Variants in STAT4 observed in about 807,000 individuals in gnomAD.
The protein encoded by STAT4 is signal transducer and activator of transcription 4.
A neutral mutation model predicts 110.5 loss-of-function variants in STAT4; 42 were observed. The observed-to-expected ratio is 0.38, with a 90% CI of 0.30 to 0.49. The LOEUF is 0.49. Among genes scored for constraint, STAT4 ranks in the 20% least tolerant of loss-of-function variants. STAT4 has a pLI of 0.95. For missense variants in STAT4, 632 were observed against 887.9 expected (o/e 0.71, Z 3.66); for synonymous variants, 284 against 302.2 (o/e 0.94, Z 0.63).
chr2:191,057,661 C>T (rs189194015), intron 13 of STAT4, among the ~76,000 whole-genome samples: 20 of 147,784 alleles, frequency 1.4e-4, no homozygotes, highest in African/African-American at 2.0e-4. Context: ...TGCACTGGCA[C>T]GATCTCAGCT....
intron 3 of STAT4, chr2:191,131,963 A>G (rs1699048988): frequency 3.9e-6 from 5 of 1,277,100 alleles, no homozygotes; most frequent in Non-Finnish European, 4.0e-6. Context: ...ATCTAGATTT[A>G]CAACTATTCC....
chr2:191,145,121 T>C (rs1457219956), intron 3 of STAT4, among the ~76,000 whole-genome samples: 1 of 152,188 alleles, frequency 6.6e-6, no homozygotes, highest in Non-Finnish European at 1.5e-5. Context: ...GACACATATA[T>C]ACACACATAT....
At chr2:191,125,355 C>T (rs1466373638) in intron 3 of STAT4, among the ~76,000 whole-genome samples, 1 of 151,998 alleles carries the variant, frequency 6.6e-6, no homozygotes, top group Non-Finnish European at 1.5e-5. Flanking sequence ...TCATTGTGCA[C>T]TTAAAAGCCC....
chr2:191,139,423 C>T (rs563086381), intron 3 of STAT4, among the ~76,000 whole-genome samples: 5 of 152,142 alleles, frequency 3.3e-5, no homozygotes, highest in Admixed American at 6.6e-5. Context: ...AATCAATGTA[C>T]GCAAATCAGT....
At chr2:191,071,398 A>G (rs1390531367) in intron 5 of STAT4, among the ~76,000 whole-genome samples, 1 of 152,224 alleles carries the variant, frequency 6.6e-6, no homozygotes, top group Non-Finnish European at 1.5e-5. Flanking sequence ...ACCTACATGC[A>G]TGAGAAAATG....
In STAT4 at chr2:191,150,686, C is replaced by T. The variant is rs1482238342; in HGVS notation, c.-2+261G>A. ...CGCGAGGACACACCTCCGCAGCCGC[C>T]GCAGCTCCCCTGGCCCCCGCAGGGA... On this transcript the variant is annotated intron_variant, in intron 1 of 23. Coordinates refer to ENST00000392320, the MANE Select transcript of STAT4 (RefSeq NM_003151.4). This position sits in a 1 kb window ranked among gnomAD's most constrained non-coding sequence, Gnocchi z 6.4. Among the ~76,000 whole-genome samples, 1 of 152,188 alleles carries T rather than the reference C, an allele frequency of 6.6e-6. No individual in the cohort carries two copies. Among genetic ancestry groups the T allele is most frequent in the Non-Finnish European group, 1.5e-5 (1 of 68,042 alleles).
At position 191,146,945 on chromosome 2, in the gene STAT4, C is replaced by G. The variant is rs1699477651; in HGVS notation, c.129-188G>C. On this transcript the variant is annotated intron_variant, in intron 2 of 23. Transcript: ENST00000392320. The surrounding 1 kb of genome is among the most constrained non-coding windows in gnomAD (Gnocchi z 4.5). ...TCATTAGGGAATTTCAAGTGAAAAT[C>G]AGAGTAAGATACCACTTCATACCCA... Among the ~76,000 whole-genome samples, 1 of 152,034 alleles carries G rather than the reference C, an allele frequency of 6.6e-6. No homozygotes were observed. Among genetic ancestry groups the G allele is most frequent in the South Asian group, 2.1e-4 (1 of 4,832 alleles).
intron 3 of STAT4, among the ~76,000 whole-genome samples, chr2:191,108,361 G>GA (rs1698338805): frequency 6.6e-6 from 1 of 151,548 alleles, no homozygotes; most frequent in South Asian, 2.1e-4. Context: ...AACTTAGTGA[G>GA]AAAAAAGTAA....
intron 3 of STAT4, among the ~76,000 whole-genome samples, chr2:191,108,154 G>A (rs1019944488): frequency 7.9e-5 from 12 of 152,130 alleles, no homozygotes; most frequent in African/African-American, 2.9e-4. Context: ...TGCCAGACAT[G>A]GTAGGGGGCA....
chr2:191,044,346 T>G (rs1412696586), intron 14 of STAT4, among the ~76,000 whole-genome samples: 1 of 152,194 alleles, frequency 6.6e-6, no homozygotes, highest in East Asian at 1.9e-4. Flanking sequence ...AGAATCAGAA[T>G]ACAAGATAAG....
At chr2:191,074,524 T>C (rs1697257593) in intron 4 of STAT4, among the ~76,000 whole-genome samples, 1 of 152,174 alleles carries the variant, frequency 6.6e-6, no homozygotes, top group African/African-American at 2.4e-5. Context: ...GATGAGCATA[T>C]ACTCAAACAA....
chr2:191,136,350 G>A (rs895281711), intron 3 of STAT4, among the ~76,000 whole-genome samples: 1 of 152,310 alleles, frequency 6.6e-6, no homozygotes, highest in Non-Finnish European at 1.5e-5. Flanking sequence ...AGACAAGGAT[G>A]AACATTTTTC....
At position 191,092,214 on chromosome 2, in the gene STAT4, A is replaced by G. The variant is rs897069712; in HGVS notation, c.274-15889T>C. 3.3e-5 allele frequency among the ~76,000 whole-genome samples: 5 copies of G among 151,940 alleles called. 1 individual carries two copies. The highest frequency in any genetic ancestry group is 3.3e-4 in the Admixed American group (5 of 15,258). On this transcript the variant is annotated intron_variant, in intron 3 of 23. Transcript: ENST00000392320. ...AGGTTGGGAGTTAGAGACCAGTCTA[A>G]CCAACATGGTGAAACCCTGTCTCTA...
intron 18 of STAT4, 70 bp downstream of exon 18, chr2:191,034,478 G>T: frequency 8.9e-7 from 1 of 1,123,296 alleles, no homozygotes; most frequent in Non-Finnish European, 1.3e-6. Context: ...ACCCCATGTA[G>T]TAATAGACTT....
intron 3 of STAT4, among the ~76,000 whole-genome samples, chr2:191,078,675 G>C (rs186164544): frequency 6.6e-6 from 1 of 152,136 alleles, no homozygotes; most frequent in Non-Finnish European, 1.5e-5. Context: ...GTGTTAGTGG[G>C]AGGAAGGAAG....
Position 191,144,574 on chromosome 2 carries a change from G to A in STAT4, c.273+2039C>T, listed in dbSNP as rs954782350. On this transcript the variant is annotated intron_variant, in intron 3 of 23. Coordinates refer to ENST00000392320, the MANE Select transcript of STAT4 (RefSeq NM_003151.4). This position sits in a 1 kb window ranked among gnomAD's most constrained non-coding sequence, Gnocchi z 4.7. ...AACACATGCAGATGAGTTTGTGCTC[G>A]AGCTGAAGCGTGACTGGGGGTAACT... Among the ~76,000 whole-genome samples, 2 of 150,210 alleles carry A rather than the reference G, an allele frequency of 1.3e-5. No homozygotes were observed. Among genetic ancestry groups the A allele is most frequent in the Admixed American group, 6.6e-5 (1 of 15,174 alleles).
rs567692442 is a variant in STAT4, at chr2:191,031,629, G to A, written c.2045-113C>T. 25 of 818,528 alleles carry A rather than the reference G, an allele frequency of 3.1e-5. No homozygotes were observed. The highest frequency in any genetic ancestry group is 5.2e-5 in the Admixed American group (2 of 38,174). 50.7% of individuals were successfully genotyped at this position (818,528 alleles called of 1,614,324 possible). A position where few individuals can be genotyped will look rare whatever the true frequency, so the allele number is the denominator to read the frequency against. ...CAATGATAAGAGGAAGAGAGATAACGCAGTTGTTCGGTGATACACAGAAAT... is the reference window on the plus strand; with the variant it reads ...CAATGATAAGAGGAAGAGAGATAACACAGTTGTTCGGTGATACACAGAAAT... On this transcript the variant is annotated intron_variant, in intron 21 of 23. Coordinates refer to ENST00000392320, the MANE Select transcript of STAT4 (RefSeq NM_003151.4). This position sits in a 1 kb window ranked among gnomAD's most constrained non-coding sequence, Gnocchi z 4.8.
chr2:191,057,031 C>A (rs1696715976), intron 13 of STAT4, among the ~76,000 whole-genome samples: 1 of 152,196 alleles, frequency 6.6e-6, no homozygotes, highest in Non-Finnish European at 1.5e-5. Flanking sequence ...GATCTGCCTG[C>A]CTCAGCCTCC....
At chr2:191,106,682 TAAAATAAAATA>T (rs1698292300) in intron 3 of STAT4, among the ~76,000 whole-genome samples, 1 of 150,276 alleles carries the variant, frequency 6.7e-6, no homozygotes, top group Non-Finnish European at 1.5e-5. Context: ...TAAAATAAAA[TAAAATAAAATA>T]AAATAAAAAA....
Sources: allele counts gnomAD v4.1 joint callset (sites outside exome capture counted in the v4.1 genomes callset), GRCh38; gene constraint gnomAD v4.1.1; non-coding constraint Gnocchi (gnomAD v3.1); transcripts MANE v1.5; gene names NCBI Gene and HGNC (gene_info 2026-07-23, HGNC 2026-07-21).